Variants in PARD3 observed in about 807,000 individuals in gnomAD.
PARD3 encodes the protein partitioning defective 3 homolog.
PARD3 carries 75 observed loss-of-function variants against 155.4 expected under a neutral mutation model. That is an observed-to-expected ratio of 0.48 (90% CI 0.40 to 0.58). The LOEUF is 0.58. Ranked by LOEUF, PARD3 falls within the 20% of genes least tolerant of loss-of-function variation. The pLI is 0.00. For missense variants in PARD3, 1,642 were observed against 1,721.7 expected (o/e 0.95, Z 0.82); for synonymous variants, 576 against 610.5 (o/e 0.94, Z 0.83).
intron 2 of PARD3, among the ~76,000 whole-genome samples, chr10:34,520,711 T>C (rs911994582): frequency 2.6e-5 from 4 of 152,162 alleles, no homozygotes; most frequent in African/African-American, 9.7e-5. Context: ...TGTGACTACA[T>C]TTGAATAAAA....
chr10:34,129,486 A>T (rs1947473466), intron 23 of PARD3, among the ~76,000 whole-genome samples: 1 of 152,142 alleles, frequency 6.6e-6, no homozygotes, highest in Non-Finnish European at 1.5e-5. Context: ...GTTGAGAGAT[A>T]AGAAAACTGA....
intron 2 of PARD3, among the ~76,000 whole-genome samples, chr10:34,585,241 C>T (rs1055390833): frequency 6.6e-6 from 1 of 152,078 alleles, no homozygotes; most frequent in Non-Finnish European, 1.5e-5. Context: ...ATCACTTACT[C>T]GAAAATCGTG....
intron 22 of PARD3, among the ~76,000 whole-genome samples, chr10:34,261,421 G>A (rs538109090): frequency 2.0e-5 from 3 of 152,262 alleles, no homozygotes; most frequent in African/African-American, 7.2e-5. Flanking sequence ...GGGCACGGTG[G>A]CTCATGCCTG....
intron 1 of PARD3, among the ~76,000 whole-genome samples, chr10:34,764,950 A>G (rs1363476073): frequency 6.6e-6 from 1 of 152,222 alleles, no homozygotes; most frequent in African/African-American, 2.4e-5. Context: ...TCACCTTCCT[A>G]TAAGATGAAA....
chr10:34,444,058 G>A (rs1007601830), intron 5 of PARD3, among the ~76,000 whole-genome samples: 2 of 152,068 alleles, frequency 1.3e-5, no homozygotes, highest in African/African-American at 4.8e-5. Context: ...TGTTTTTCTT[G>A]ATGGAGAGAG....
rs1297579876 is a variant in PARD3 at position 34,402,067 on chromosome 10, GT to G, written c.715-151del. On this transcript the variant is annotated intron_variant, in intron 5 of 24. Transcript: ENST00000374788. ...AGGATGACCTTTAATGACAGGATCA[GT>G]GTGTGTTGTAAAAAGCTAAAATTGA... 3 of 680,076 alleles carry G rather than the reference GT, an allele frequency of 4.4e-6. No homozygotes were observed. In the East Asian group the frequency reaches 7.6e-5, roughly 17 times the overall value. 42.1% of individuals were successfully genotyped at this position (680,076 alleles called of 1,614,324 possible). A position where few individuals can be genotyped will look rare whatever the true frequency, so the allele number is the denominator to read the frequency against.
intron 7 of PARD3, among the ~76,000 whole-genome samples, chr10:34,393,575 G>GA (rs1229626429): frequency 0.043 from 5,941 of 139,204 alleles, 381 homozygotes; most frequent in African/African-American, 0.15. Context: ...ATCTCAAAAG[G>GA]AAAAAAAAAA....
chr10:34,804,743 G>A (rs1468509019), intron 1 of PARD3, among the ~76,000 whole-genome samples: 1 of 152,104 alleles, frequency 6.6e-6, no homozygotes, highest in Non-Finnish European at 1.5e-5. Flanking sequence ...TGGACTTAGA[G>A]AAGAAAATTA....
At chr10:34,182,752 A>AT (rs1391825708) in intron 22 of PARD3, among the ~76,000 whole-genome samples, 1 of 151,782 alleles carries the variant, frequency 6.6e-6, no homozygotes, top group Non-Finnish European at 1.5e-5. Context: ...TAAAAAAAAA[A>AT]AAAAAAAAAG....
intron 1 of PARD3, among the ~76,000 whole-genome samples, chr10:34,721,772 A>C (rs779728578): frequency 6.6e-6 from 1 of 152,258 alleles, no homozygotes; most frequent in Non-Finnish European, 1.5e-5. Flanking sequence ...TACCACTGCT[A>C]ATCTGAGTTA....
chr10:34,457,940 T>C (rs1179926161), intron 4 of PARD3, among the ~76,000 whole-genome samples: 2 of 152,200 alleles, frequency 1.3e-5, no homozygotes, highest in African/African-American at 4.8e-5. Context: ...CTTCTCATTC[T>C]TAATCTAACA....
At chr10:34,614,004 T>C (rs927838173) in intron 2 of PARD3, among the ~76,000 whole-genome samples, 1 of 152,052 alleles carries the variant, frequency 6.6e-6, no homozygotes, top group Non-Finnish European at 1.5e-5. Context: ...ATAGGAAAAG[T>C]TTATAAACAG....
chr10:34,754,019 TA>T (rs1836390290), intron 1 of PARD3, among the ~76,000 whole-genome samples: 1 of 151,520 alleles, frequency 6.6e-6, no homozygotes, highest in Non-Finnish European at 1.5e-5. Flanking sequence ...TGGTTTTATT[TA>T]TTTTTTTTTT....
chr10:34,623,161 C>G (rs2091791137), intron 2 of PARD3, among the ~76,000 whole-genome samples: 1 of 152,114 alleles, frequency 6.6e-6, no homozygotes, highest in Non-Finnish European at 1.5e-5. Flanking sequence ...ATAAGCTGGG[C>G]TTCGACAGTC....
intron 2 of PARD3, among the ~76,000 whole-genome samples, chr10:34,556,384 T>TC (rs2084985519): frequency 1.6e-5 from 2 of 122,316 alleles, no homozygotes; most frequent in African/African-American, 4.5e-5. Flanking sequence ...TTTTCTTCTT[T>TC]CTTTTTTTTT....
chr10:34,520,461 G>A (rs1225383379), intron 2 of PARD3, among the ~76,000 whole-genome samples: 2 of 152,090 alleles, frequency 1.3e-5, no homozygotes, highest in Non-Finnish European at 2.9e-5. Context: ...GTATGCATAC[G>A]TATACACCAA....
chr10:34,631,992 T>G (rs967218633), intron 2 of PARD3, among the ~76,000 whole-genome samples: 2 of 152,314 alleles, frequency 1.3e-5, no homozygotes, highest in South Asian at 4.1e-4. Context: ...TTAGAAATAT[T>G]AGCCTGAGGC....
intron 1 of PARD3, among the ~76,000 whole-genome samples, chr10:34,775,564 C>T (rs149383100): frequency 2.0e-5 from 3 of 152,024 alleles, no homozygotes; most frequent in Non-Finnish European, 4.4e-5. Flanking sequence ...CCTGGGCAGG[C>T]AAGCAGAATG....
intron 22 of PARD3, among the ~76,000 whole-genome samples, chr10:34,191,700 G>C (rs1311232952): frequency 6.6e-6 from 1 of 152,108 alleles, no homozygotes; most frequent in Non-Finnish European, 1.5e-5. Context: ...GAGGATGAAA[G>C]AAGTCTGGCA....
Sources: gnomAD v4.1 joint callset for allele counts (sites outside exome capture counted in the v4.1 genomes callset) on GRCh38, gnomAD v4.1.1 for gene constraint, MANE v1.5 for transcripts, NCBI Gene and HGNC (gene_info 2026-07-23, HGNC 2026-07-21) for gene names.